The following PRKN variants were observed in gnomAD, a reference collection of about 807,000 sequenced individuals.
PRKN encodes the protein E3 ubiquitin-protein ligase parkin.
Under a neutral mutation model 59.5 loss-of-function variants are expected in PRKN, and 56 were observed. The observed-to-expected ratio is 0.94, with a 90% CI of 0.76 to 1.18. The LOEUF is 1.18. Ranked by LOEUF, PRKN falls within the 50% of genes most tolerant of loss-of-function variation. The pLI, the probability that PRKN is intolerant of heterozygous loss-of-function variation, is 0.00. For missense variants in PRKN, 657 were observed against 596.4 expected, an observed-to-expected ratio of 1.10 and a Z score of -1.06; for synonymous variants, 250 against 222.1, an observed-to-expected ratio of 1.13 and a Z score of -1.12.
At chr6:162,547,493 G>A (rs958214973) in intron 1 of PRKN, among the ~76,000 whole-genome samples, 1 of 152,152 alleles carries the variant, frequency 6.6e-6, no homozygotes, top group African/African-American at 2.4e-5. Context: ...GATTGAAGTA[G>A]GCAGCAATTC....
At chr6:161,868,686 T>C (rs745737886) in intron 6 of PRKN, among the ~76,000 whole-genome samples, 1 of 152,170 alleles carries the variant, frequency 6.6e-6, no homozygotes, top group Non-Finnish European at 1.5e-5. Context: ...CTCTTAATGA[T>C]TTGTAGCATA....
At chr6:161,892,421 A>G (rs1292719522) in intron 6 of PRKN, among the ~76,000 whole-genome samples, 2 of 151,750 alleles carry the variant, frequency 1.3e-5, no homozygotes, top group African/African-American at 4.8e-5. Flanking sequence ...AAAATAAATA[A>G]GATTAGTTGG....
At chr6:161,504,509 C>A in intron 9 of PRKN, among the ~76,000 whole-genome samples, 1 of 146,694 alleles carries the variant, frequency 6.8e-6, no homozygotes, top group South Asian at 2.2e-4. Flanking sequence ...GGGAACAGAC[C>A]AAACACTGTG....
In PRKN at chr6:161,575,396, A is replaced by G. The variant is rs951257473; in HGVS notation, c.872-5980T>C. ...TCACTGACAGCTACTGAGAAAAAGC[A>G]ACCCCAAACAAAACAAAACAAAACA... On this transcript the variant is annotated intron_variant, in intron 7 of 11. Transcript: ENST00000366898. The surrounding 1 kb of genome is among the most constrained non-coding windows in gnomAD (Gnocchi z 4.6). 1.3e-5 allele frequency among the ~76,000 whole-genome samples: 2 copies of G among 152,206 alleles called. No homozygotes were observed. The highest frequency in any genetic ancestry group is 4.8e-5 in the African/African-American group (2 of 41,462).
chr6:162,182,760 G>A (rs1783853223), intron 4 of PRKN, among the ~76,000 whole-genome samples: 1 of 152,176 alleles, frequency 6.6e-6, no homozygotes, highest in African/African-American at 2.4e-5. Flanking sequence ...TTGATGTTCT[G>A]TGGCAAGCCT....
Position 162,723,412 on chromosome 6 carries a change from G to A in PRKN, c.7+4250C>T, listed in dbSNP as rs375735344. 6.7e-4 allele frequency among the ~76,000 whole-genome samples: 102 copies of A among 152,320 alleles called. No homozygotes were observed. The East Asian group carries it at 9.8e-3, about 15-fold the overall frequency. ...TATACACACTGAAAGGGAGGGCAGGGCCACCAAGGACAGTTGTGCAGCTTG... is the reference window on the plus strand; with the variant it reads ...TATACACACTGAAAGGGAGGGCAGGACCACCAAGGACAGTTGTGCAGCTTG... On this transcript the variant is annotated intron_variant, in intron 1 of 11. Coordinates refer to ENST00000366898, the MANE Select transcript of PRKN (RefSeq NM_004562.3).
intron 7 of PRKN, among the ~76,000 whole-genome samples, chr6:161,674,262 T>C (rs1406794041): frequency 6.6e-6 from 1 of 152,232 alleles, no homozygotes; most frequent in East Asian, 1.9e-4. Flanking sequence ...GTCAACATAG[T>C]AGACTGGCTG....
intron 4 of PRKN, among the ~76,000 whole-genome samples, chr6:162,129,786 G>C (rs181093204): frequency 3.3e-5 from 5 of 152,018 alleles, no homozygotes; most frequent in Admixed American, 3.3e-4. Context: ...ATATATAATG[G>C]CCTACTTCTT....
At chr6:162,264,400 G>A (rs975424646) in intron 2 of PRKN, among the ~76,000 whole-genome samples, 1 of 152,064 alleles carries the variant, frequency 6.6e-6, no homozygotes, top group African/African-American at 2.4e-5. Flanking sequence ...AACTCATAGC[G>A]ATGAATGATG....
Position 161,417,797 on chromosome 6 carries a change from C to T in PRKN, c.1084-30920G>A, listed in dbSNP as rs531603705. On this transcript the variant is annotated intron_variant, in intron 9 of 11. Coordinates refer to ENST00000366898, the MANE Select transcript of PRKN (RefSeq NM_004562.3). This position sits in a 1 kb window ranked among gnomAD's most constrained non-coding sequence, Gnocchi z 5.4. ...GAACCAAATTAGATGAAAATACCAG[C>T]TTTTGTAAATCAACAGTGTCTAATA... 5.9e-5 allele frequency among the ~76,000 whole-genome samples: 9 copies of T among 152,296 alleles called. No homozygotes were observed. Among genetic ancestry groups the T allele is most frequent in the Admixed American group, 5.9e-4 (9 of 15,294 alleles).
rs1779997166 is a variant in PRKN at position 161,551,094 on chromosome 6, T to C, written c.934-2091A>G. The stretch of plus-strand genomic sequence containing the variant: ...AATCTCTGAATTTATGGGGTAAGGT[T>C]CTCTGGACAGTGTCATAAGCTGTGC... On this transcript the variant is annotated intron_variant, in intron 8 of 11. Transcript: ENST00000366898. This position sits in a 1 kb window ranked among gnomAD's most constrained non-coding sequence, Gnocchi z 5.2. Among the ~76,000 whole-genome samples the C allele has an allele frequency of 1.3e-5, 2 of 152,188 alleles. No homozygotes were observed. The highest frequency in any genetic ancestry group is 4.8e-5 in the African/African-American group (2 of 41,442).
chr6:161,478,788 G>C (rs1756347014), intron 9 of PRKN, among the ~76,000 whole-genome samples: 6 of 152,236 alleles, frequency 3.9e-5, no homozygotes, highest in Admixed American at 3.9e-4. Flanking sequence ...TGAGGCTTCA[G>C]TGAGCTCTGA....
At chr6:162,494,302 C>T (rs1792956997) in intron 1 of PRKN, among the ~76,000 whole-genome samples, 1 of 152,192 alleles carries the variant, frequency 6.6e-6, no homozygotes. Flanking sequence ...CCTGGCCTTT[C>T]CTCAACATCT....
intron 4 of PRKN, among the ~76,000 whole-genome samples, chr6:162,170,010 C>T (rs1034286988): frequency 2.6e-5 from 4 of 152,158 alleles, no homozygotes; most frequent in South Asian, 2.1e-4. Flanking sequence ...CGCATGACTG[C>T]CTACCTCATT....
At chr6:162,089,641 G>A (rs1269322902) in intron 4 of PRKN, among the ~76,000 whole-genome samples, 1 of 152,102 alleles carries the variant, frequency 6.6e-6, no homozygotes, top group Non-Finnish European at 1.5e-5. Flanking sequence ...CAACCCAGAT[G>A]CCCATCAATT....
intron 7 of PRKN, among the ~76,000 whole-genome samples, chr6:161,675,510 C>T (rs1157447900): frequency 6.6e-6 from 1 of 152,170 alleles, no homozygotes; most frequent in Non-Finnish European, 1.5e-5. Flanking sequence ...CTGATAAAAA[C>T]GCAAAGACAA....
chr6:161,703,198 G>A (rs1328149639), intron 7 of PRKN, among the ~76,000 whole-genome samples: 1 of 152,118 alleles, frequency 6.6e-6, no homozygotes, highest in African/African-American at 2.4e-5. Flanking sequence ...TAGTTACATG[G>A]GAGGCTGAGG....
At chr6:161,603,702 G>C (rs1304889740) in intron 7 of PRKN, among the ~76,000 whole-genome samples, 2 of 152,112 alleles carry the variant, frequency 1.3e-5, no homozygotes, top group African/African-American at 4.8e-5. Context: ...ATGGGGTTTG[G>C]GGAAGTAGCA....
chr6:162,680,560 C>G (rs964469871), intron 1 of PRKN, among the ~76,000 whole-genome samples: 2 of 151,980 alleles, frequency 1.3e-5, no homozygotes, highest in African/African-American at 4.8e-5. Context: ...TTAGAGGTAC[C>G]AGATCTGTTT....
Sources: gnomAD v4.1 joint callset for allele counts (sites outside exome capture counted in the v4.1 genomes callset) on GRCh38, gnomAD v4.1.1 for gene constraint, Gnocchi (gnomAD v3.1) non-coding constraint, MANE v1.5 for transcripts, NCBI Gene and HGNC (gene_info 2026-07-23, HGNC 2026-07-21) for gene names.